Variants in SPANXC observed in about 807,000 individuals in gnomAD.
SPANXC encodes SPANX family member C.
In SPANXC, 1 loss-of-function variant was observed where a neutral mutation model predicts 1.4. That is an observed-to-expected ratio of 0.73 (90% CI 0.26 to 3.48). The LOEUF (loss-of-function observed/expected upper bound fraction) is 3.48, where lower values mean the gene tolerates loss of function less well. SPANXC is among the 30% of genes most tolerant of loss of function. The pLI is 0.19. For synonymous variants in SPANXC, 13 were observed against 30.0 expected (o/e 0.43, Z 1.85); for missense variants, 29 against 73.8 (o/e 0.39, Z 2.22).
At position 141,241,464 on chromosome X, in the gene SPANXC, C is replaced by T; in HGVS notation, c.*53G>A. 1 of 917,836 alleles carries T rather than the reference C, an allele frequency of 1.1e-6. No individual in the cohort carries two copies. The highest frequency in any genetic ancestry group is 1.5e-6 in the Non-Finnish European group (1 of 674,281). The allele number at this position is 917,836 out of a possible 1,213,427, so 75.6% of individuals were successfully genotyped here. On this transcript the variant is annotated 3_prime_UTR_variant, in exon 2 of 2. Transcript: ENST00000358993. ...AACAGGCAGAGATATACACAGCCAT[C>T]AGCTTCTCAAACTTTATTTTCATTG...
In SPANXC at chrX:141,242,509, C is replaced by A. The variant is rs1464225568; in HGVS notation, c.-52G>T. On this transcript the variant is annotated 5_prime_UTR_variant, in exon 1 of 2. Coordinates refer to ENST00000358993, the MANE Select transcript of SPANXC (RefSeq NM_022661.4). ...CGGCAGGCTTTTGTAGGTTTTGAAT[C>A]TTCGCAGTGGCCCGGAGCTCTTGCC... 8.3e-7 allele frequency: 1 copy of A among 1,204,345 alleles called. No homozygotes were observed. Among genetic ancestry groups the A allele is most frequent in the Non-Finnish European group, 1.1e-6 (1 of 891,156 alleles).
At chrX:141,242,255 G>C (rs868924689) in intron 1 of SPANXC, 131 bp downstream of exon 1, 2 of 473,442 alleles carry the variant, frequency 4.2e-6, no homozygotes, top group East Asian at 1.1e-4. Flanking sequence ...AAGCGGCGGT[G>C]GGCTCTGGCA....
intron 1 of SPANXC, among the ~76,000 whole-genome samples, 184 bp downstream of exon 1, chrX:141,242,202 G>T (rs2148490288): frequency 2.5e-5 from 1 of 39,646 alleles, no homozygotes; most frequent in African/African-American, 7.7e-5. Context: ...AAGCCATACT[G>T]CCCAGGCCCC....
In SPANXC at chrX:141,241,665, G is replaced by T; in HGVS notation, c.146C>A (p.Thr49Asn). 2 of 949,448 alleles carry T rather than the reference G, an allele frequency of 2.1e-6. No homozygotes were observed. Among genetic ancestry groups the T allele is most frequent in the African/African-American group, 2.4e-5 (1 of 41,181 alleles). The allele number at this position is 949,448 out of a possible 1,213,427, so 78.2% of individuals were successfully genotyped here. A position where few individuals can be genotyped will look rare whatever the true frequency, so the allele number is the denominator to read the frequency against. ...CCTCCTGTAGCGAACCACTAGTATG[G>T]TCGAGGACTCAGATGTTTTTAGTTT... is the stretch of plus-strand genomic sequence containing the variant. Reference protein sequence around the residue: ...PKKLKTSESSTILVVRYRRNV... With the variant: ...PKKLKTSESSNILVVRYRRNV... The change falls in exon 2 of 2, where the codon ACC (threonine) becomes AAC (asparagine). Residue 49 changes from threonine to asparagine, a missense_variant. Thr to Asn is a moderately conservative substitution (Grantham distance 65, BLOSUM62 0). Transcript: ENST00000358993.
rs782310706 is a variant in SPANXC at position 141,242,438 on chromosome X, G to A, written c.20C>T (p.Ala7Val). Residue 7 changes from alanine to valine, a missense_variant, in exon 1 of 2, where the codon GCC becomes GTC. Coordinates refer to ENST00000358993, the MANE Select transcript of SPANXC (RefSeq NM_022661.4). ...GGGGACGCTCCTCTTCACCCCGCCG[G>A]CACTGGATTGTTTGTCCATTGTATA... Reference protein sequence around the residue: MDKQSSAGGVKRSVPCD... With the variant: MDKQSSVGGVKRSVPCD... 24 of 1,174,468 alleles carry A rather than the reference G, an allele frequency of 2.0e-5. No homozygotes were observed. The highest frequency in any genetic ancestry group is 1.5e-4 in the South Asian group (8 of 54,837).
rs782417985 is a variant in SPANXC at position 141,242,498 on chromosome X, A to T, written c.-41T>A. On this transcript the variant is annotated 5_prime_UTR_variant, in exon 1 of 2. Coordinates refer to ENST00000358993, the MANE Select transcript of SPANXC (RefSeq NM_022661.4). The stretch of plus-strand genomic sequence containing the variant: ...TTCAATGTCAGCGGCAGGCTTTTGT[A>T]GGTTTTGAATCTTCGCAGTGGCCCG... 21 of 1,199,802 alleles carry T rather than the reference A, an allele frequency of 1.8e-5. No homozygotes were observed. The South Asian group carries it at 3.0e-4, about 17-fold the overall frequency.
At position 141,242,495 on chromosome X, in the gene SPANXC, T is replaced by G. The variant is rs1296081124; in HGVS notation, c.-38A>C. The G allele has an allele frequency of 8.3e-7, 1 of 1,199,698 alleles. No individual in the cohort carries two copies. Among genetic ancestry groups the G allele is most frequent in the African/African-American group, 1.8e-5 (1 of 55,815 alleles). The stretch of plus-strand genomic sequence containing the variant: ...TTCTTCAATGTCAGCGGCAGGCTTT[T>G]GTAGGTTTTGAATCTTCGCAGTGGC... On this transcript the variant is annotated 5_prime_UTR_variant, in exon 1 of 2. Coordinates refer to ENST00000358993, the MANE Select transcript of SPANXC (RefSeq NM_022661.4).
rs377010629 is a variant in SPANXC at position 141,242,483 on chromosome X, G to A, written c.-26C>T. On this transcript the variant is annotated 5_prime_UTR_variant, in exon 1 of 2. Coordinates refer to ENST00000358993, the MANE Select transcript of SPANXC (RefSeq NM_022661.4). ...TGTATATATTGGTTCTTCAATGTCA[G>A]CGGCAGGCTTTTGTAGGTTTTGAAT... 8.5e-5 allele frequency: 102 copies of A among 1,196,824 alleles called. No homozygotes were observed. Among genetic ancestry groups the A allele is most frequent in the South Asian group, 1.6e-4 (9 of 55,944 alleles).
rs1556301779 is a variant in SPANXC at position 141,242,411 on chromosome X, C to T, written c.47G>A (p.Cys16Tyr). The change falls in exon 1 of 2, where the codon TGT becomes TAT. Residue 16 changes from cysteine to tyrosine, a missense_variant. By Grantham distance (194) the Cys-to-Tyr change is radical. Transcript: ENST00000358993. ...SAGGVKRSVPCDSNEANEMMP... is the reference protein window; with the variant it reads ...SAGGVKRSVPYDSNEANEMMP... Reference sequence around the variant, plus strand: ...CATCTCGTTGGCCTCGTTGGAATCACAGGGGACGCTCCTCTTCACCCCGCC... The same window carrying T: ...CATCTCGTTGGCCTCGTTGGAATCATAGGGGACGCTCCTCTTCACCCCGCC... 3.6e-6 allele frequency: 4 copies of T among 1,104,010 alleles called. No individual in the cohort carries two copies. Among genetic ancestry groups the T allele is most frequent in the Admixed American group, 4.9e-5 (2 of 41,203 alleles). 91.0% of individuals were successfully genotyped at this position (1,104,010 alleles called of 1,213,427 possible). A position where few individuals can be genotyped will look rare whatever the true frequency, so the allele number is the denominator to read the frequency against.
At position 141,242,481 on chromosome X, in the gene SPANXC, C is replaced by A. The variant is rs782749938; in HGVS notation, c.-24G>T. 4.2e-6 allele frequency: 5 copies of A among 1,190,534 alleles called. No homozygotes were observed. The highest frequency in any genetic ancestry group is 5.7e-6 in the Non-Finnish European group (5 of 884,923). On this transcript the variant is annotated 5_prime_UTR_variant, in exon 1 of 2. Coordinates refer to ENST00000358993, the MANE Select transcript of SPANXC (RefSeq NM_022661.4). ...ATTGTATATATTGGTTCTTCAATGT[C>A]AGCGGCAGGCTTTTGTAGGTTTTGA...
chrX:141,241,687 G>A lies in SPANXC; in HGVS notation c.124C>T (p.Leu42=). 1 of 505,840 alleles carries A rather than the reference G, an allele frequency of 2.0e-6. No homozygotes were observed. The highest frequency in any genetic ancestry group is 4.3e-5 in the South Asian group (1 of 23,095). The allele number at this position is 505,840 out of a possible 1,213,427, so 41.7% of individuals were successfully genotyped here. The part of the protein sequence containing the change: ...YSDPQPAPKK[L]KTSESSTILV... ...ATGGTCGAGGACTCAGATGTTTTTA[G>A]TTTTTTCGGAGCAGGTTGCGGGTCT... Residue 42 remains leucine (L), a synonymous_variant, in exon 2 of 2, where the codon CTA becomes TTA. Transcript: ENST00000358993.
In SPANXC at chrX:141,241,578, T is replaced by G; in HGVS notation, c.233A>C (p.Asn78Thr). The G allele has an allele frequency of 8.9e-7, 1 of 1,121,819 alleles. No homozygotes were observed. Among genetic ancestry groups the G allele is most frequent in the Non-Finnish European group, 1.2e-6 (1 of 838,449 alleles). The allele number at this position is 1,121,819 out of a possible 1,213,427, so 92.5% of individuals were successfully genotyped here. ...VNDHARENRI[N>T]PLQMEEEEFM... Reference sequence around the variant, plus strand: ...TTCCTCCTCCTCCATTTGGAGGGGGTTGATTCTGTTCTCTCGGGCGTGGTC... The same window carrying G: ...TTCCTCCTCCTCCATTTGGAGGGGGGTGATTCTGTTCTCTCGGGCGTGGTC... Residue 78 changes from asparagine to threonine, a missense_variant, in exon 2 of 2, where the codon AAC becomes ACC. Transcript: ENST00000358993.
At position 141,242,440 on chromosome X, in the gene SPANXC, A is replaced by G; in HGVS notation, c.18T>C (p.Ser6=). The change falls in exon 1 of 2, where the codon AGT becomes AGC. Residue 6 remains serine (S), a synonymous_variant. Coordinates refer to ENST00000358993, the MANE Select transcript of SPANXC (RefSeq NM_022661.4). ...GGACGCTCCTCTTCACCCCGCCGGC[A>G]CTGGATTGTTTGTCCATTGTATATA... MDKQS[S]AGGVKRSVPC... 1 of 1,182,890 alleles carries G rather than the reference A, an allele frequency of 8.5e-7. No individual in the cohort carries two copies.
At position 141,241,476 on chromosome X, in the gene SPANXC, C is replaced by CT. The variant is rs782287759; in HGVS notation, c.*40dup. On this transcript the variant is annotated 3_prime_UTR_variant, in exon 2 of 2. Transcript: ENST00000358993. Reference sequence around the variant, plus strand: ...TATACACAGCCATCAGCTTCTCAAACTTTATTTTCATTGCCCAAGGTTGAG... The same window carrying CT: ...TATACACAGCCATCAGCTTCTCAAACTTTTATTTTCATTGCCCAAGGTTGAG... 2 of 968,952 alleles carry CT rather than the reference C, an allele frequency of 2.1e-6. No homozygotes were observed. The highest frequency in any genetic ancestry group is 5.4e-5 in the Admixed American group (2 of 36,825). 79.9% of individuals were successfully genotyped at this position (968,952 alleles called of 1,213,427 possible).
In SPANXC at chrX:141,241,635, A is replaced by G; in HGVS notation, c.176T>C (p.Val59Ala). The G allele has an allele frequency of 1.8e-6, 2 of 1,130,820 alleles. No homozygotes were observed. Among genetic ancestry groups the G allele is most frequent in the South Asian group, 3.7e-5 (2 of 54,672 alleles). 93.2% of individuals were successfully genotyped at this position (1,130,820 alleles called of 1,213,427 possible). A position where few individuals can be genotyped will look rare whatever the true frequency, so the allele number is the denominator to read the frequency against. Residue 59 changes from valine to alanine, a missense_variant, in exon 2 of 2, where the codon GTG becomes GCG. Coordinates refer to ENST00000358993, the MANE Select transcript of SPANXC (RefSeq NM_022661.4). ...TILVVRYRRNVKRTSPEELVN... is the reference protein window; with the variant it reads ...TILVVRYRRNAKRTSPEELVN... ...CAGTTCCTCTGGAGATGTTCTTTTC[A>G]CGTTCCTCCTGTAGCGAACCACTAG... is the stretch of plus-strand genomic sequence containing the variant.
rs192982337 is a variant in SPANXC at position 141,242,484 on chromosome X, C to T, written c.-27G>A. ...GTATATATTGGTTCTTCAATGTCAG[C>T]GGCAGGCTTTTGTAGGTTTTGAATC... On this transcript the variant is annotated 5_prime_UTR_variant, in exon 1 of 2. Transcript: ENST00000358993. 37,854 of 1,180,843 alleles carry T rather than the reference C, an allele frequency of 0.032. 1,095 individuals are homozygous for T. The highest frequency in any genetic ancestry group is 0.13 in the African/African-American group (6,811 of 51,775).
rs201591692 is a variant in SPANXC, at chrX:141,241,555, C to T, written c.256G>A (p.Glu86Lys). The T allele has an allele frequency of 1.2e-4, 125 of 1,063,962 alleles. 2 individuals carry two copies. Among genetic ancestry groups the T allele is most frequent in the Middle Eastern group, 6.4e-4 (2 of 3,145 alleles). The allele number at this position is 1,063,962 out of a possible 1,213,427, so 87.7% of individuals were successfully genotyped here. Residue 86 changes from glutamate (E) to lysine (K), a missense_variant, in exon 2 of 2, where the codon GAA becomes AAA. Glu to Lys is a moderately conservative substitution (Grantham distance 56). Coordinates refer to ENST00000358993, the MANE Select transcript of SPANXC (RefSeq NM_022661.4). ...ATTTCAACCATTATTTCCATGAATT[C>T]CTCCTCCTCCATTTGGAGGGGGTTG... ...RINPLQMEEE[E>K]FMEIMVEIPA... is the part of the protein sequence containing the mutation.
rs145340261 is a variant in SPANXC, at chrX:141,242,453, T to C, written c.5A>G (p.Asp2Gly). Residue 2 changes from aspartate to glycine, a missense_variant, in exon 1 of 2, where the codon GAC becomes GGC. Transcript: ENST00000358993. ...CACCCCGCCGGCACTGGATTGTTTG[T>C]CCATTGTATATATTGGTTCTTCAAT... M[D>G]KQSSAGGVKR... 7.7e-4 allele frequency: 913 copies of C among 1,183,897 alleles called. 3 individuals are homozygous for C. The highest frequency in any genetic ancestry group is 1.1e-3 in the African/African-American group (60 of 53,735).
At position 141,242,495 on chromosome X, in the gene SPANXC, T is replaced by C; in HGVS notation, c.-38A>G. 3 of 1,203,313 alleles carry C rather than the reference T, an allele frequency of 2.5e-6. No individual in the cohort carries two copies. Among genetic ancestry groups the C allele is most frequent in the Non-Finnish European group, 3.4e-6 (3 of 890,562 alleles). Reference sequence around the variant, plus strand: ...TTCTTCAATGTCAGCGGCAGGCTTTTGTAGGTTTTGAATCTTCGCAGTGGC... The same window carrying C: ...TTCTTCAATGTCAGCGGCAGGCTTTCGTAGGTTTTGAATCTTCGCAGTGGC... On this transcript the variant is annotated 5_prime_UTR_variant, in exon 1 of 2. Coordinates refer to ENST00000358993, the MANE Select transcript of SPANXC (RefSeq NM_022661.4).
Sources: allele counts gnomAD v4.1 joint callset (sites outside exome capture counted in the v4.1 genomes callset), GRCh38; gene constraint gnomAD v4.1.1; transcripts MANE v1.5; gene names NCBI Gene and HGNC (gene_info 2026-07-23, HGNC 2026-07-21).